The following ST8SIA6 variants were observed in gnomAD, a reference collection of about 807,000 sequenced individuals.
ST8SIA6 encodes the protein alpha-2,8-sialyltransferase 8F.
In ST8SIA6, 39 loss-of-function variants were observed where a neutral mutation model predicts 33.6. That is an observed-to-expected ratio of 1.16 (90% CI 0.90 to 1.52). The LOEUF is 1.52. Among genes scored for constraint, ST8SIA6 ranks in the 40% most tolerant of loss-of-function variants. The pLI is 0.00. For synonymous variants in ST8SIA6, 172 were observed against 167.2 expected, an observed-to-expected ratio of 1.03 and a Z score of -0.22; for missense variants, 441 against 443.8, an observed-to-expected ratio of 0.99 and a Z score of 0.06.
chr10:17,442,836 C>T (rs1054823307), intron 2 of ST8SIA6, among the ~76,000 whole-genome samples: 2 of 152,092 alleles, frequency 1.3e-5, no homozygotes, highest in South Asian at 2.1e-4. Context: ...TATTTTGTCA[C>T]GTAAATCTCA....
intron 3 of ST8SIA6, among the ~76,000 whole-genome samples, chr10:17,368,549 C>CA (rs769970076): frequency 7.5e-4 from 107 of 141,862 alleles, no homozygotes; most frequent in African/African-American, 2.3e-3. Flanking sequence ...AATACAAAAA[C>CA]AAAAAAAAAG....
chr10:17,418,948 G>A (rs1409403119), intron 2 of ST8SIA6, among the ~76,000 whole-genome samples: 4 of 130,532 alleles, frequency 3.1e-5, no homozygotes, highest in South Asian at 2.4e-4. Flanking sequence ...AGCGGAGATC[G>A]TGCCACTGCC....
chr10:17,394,033 GC>G (rs1476693067), intron 2 of ST8SIA6, among the ~76,000 whole-genome samples: 2 of 152,160 alleles, frequency 1.3e-5, no homozygotes, highest in Non-Finnish European at 2.9e-5. Context: ...GAATTACCAA[GC>G]CAGCAATGCT....
At chr10:17,373,413 C>T (rs1160182396) in intron 3 of ST8SIA6, among the ~76,000 whole-genome samples, 1 of 152,132 alleles carries the variant, frequency 6.6e-6, no homozygotes, top group African/African-American at 2.4e-5. Context: ...CCAAAACCTG[C>T]TGAATATGTT....
intron 2 of ST8SIA6, among the ~76,000 whole-genome samples, chr10:17,417,085 G>T (rs1281165384): frequency 1.3e-5 from 2 of 152,146 alleles, no homozygotes; most frequent in Admixed American, 1.3e-4. Flanking sequence ...CTTCTGGTGA[G>T]GGATTCAGGA....
intron 2 of ST8SIA6, among the ~76,000 whole-genome samples, chr10:17,445,213 A>G (rs45486292): frequency 0.039 from 5,981 of 152,320 alleles, 170 homozygotes; most frequent in South Asian, 0.058. Context: ...ACAACAAAAA[A>G]TGTCAAATAA....
At chr10:17,417,554 C>T (rs903543109) in intron 2 of ST8SIA6, among the ~76,000 whole-genome samples, 1 of 151,928 alleles carries the variant, frequency 6.6e-6, no homozygotes, top group African/African-American at 2.4e-5. Flanking sequence ...TACCACTTAG[C>T]ACAGTGAGCT....
chr10:17,373,102 C>G (rs1352976377), intron 3 of ST8SIA6, among the ~76,000 whole-genome samples: 1 of 152,218 alleles, frequency 6.6e-6, no homozygotes, highest in Non-Finnish European at 1.5e-5. Flanking sequence ...CTAACAGGAG[C>G]TATCAGGCAA....
intron 3 of ST8SIA6, among the ~76,000 whole-genome samples, chr10:17,384,125 G>C (rs1322771332): frequency 3.3e-5 from 5 of 152,144 alleles, no homozygotes; most frequent in Non-Finnish European, 5.9e-5. Flanking sequence ...TTGACTTACG[G>C]AGCCAATAAA....
intron 2 of ST8SIA6, among the ~76,000 whole-genome samples, chr10:17,449,117 C>T (rs1209921304): frequency 6.6e-6 from 1 of 151,234 alleles, no homozygotes; most frequent in African/African-American, 2.4e-5. Context: ...AGAAATGAGT[C>T]CAAAGCTGCA....
chr10:17,327,293 A>G (rs1848163242), intron 5 of ST8SIA6, among the ~76,000 whole-genome samples, 167 bp from the exon 6 acceptor site: 1 of 152,242 alleles, frequency 6.6e-6, no homozygotes, highest in African/African-American at 2.4e-5. Context: ...CTTAGCATAA[A>G]GAACCAGCTG....
At chr10:17,397,659 T>C (rs537708467) in intron 2 of ST8SIA6, among the ~76,000 whole-genome samples, 24 of 152,336 alleles carry the variant, frequency 1.6e-4, no homozygotes, top group African/African-American at 4.6e-4. Flanking sequence ...GGCCCCTGCC[T>C]GCATTTGTTA....
At chr10:17,377,974 C>CT (rs1435575606) in intron 3 of ST8SIA6, among the ~76,000 whole-genome samples, 1 of 152,144 alleles carries the variant, frequency 6.6e-6, no homozygotes, top group Non-Finnish European at 1.5e-5. Flanking sequence ...CAAAACAACA[C>CT]TTTTATAACA....
At chr10:17,407,011 T>A (rs1265021049) in intron 2 of ST8SIA6, among the ~76,000 whole-genome samples, 1 of 152,094 alleles carries the variant, frequency 6.6e-6, no homozygotes, top group African/African-American at 2.4e-5. Context: ...CAGGCTGCCT[T>A]GAACTCCTGA....
chr10:17,444,058 C>A (rs1259064983), intron 2 of ST8SIA6, among the ~76,000 whole-genome samples: 1 of 152,222 alleles, frequency 6.6e-6, no homozygotes, highest in Non-Finnish European at 1.5e-5. Flanking sequence ...AGCGTTAGCA[C>A]CTAATAGGCC....
At chr10:17,397,425 G>C (rs1850851807) in intron 2 of ST8SIA6, among the ~76,000 whole-genome samples, 2 of 152,068 alleles carry the variant, frequency 1.3e-5, no homozygotes, top group South Asian at 4.2e-4. Flanking sequence ...AGCAGAGACA[G>C]GATTTTACCA....
intron 2 of ST8SIA6, among the ~76,000 whole-genome samples, chr10:17,417,312 T>C (rs1266986341): frequency 6.6e-6 from 1 of 152,064 alleles, no homozygotes; most frequent in Non-Finnish European, 1.5e-5. Flanking sequence ...AAGCTCACAT[T>C]TCAACATGAG....
chr10:17,406,462 T>C (rs111950786), intron 2 of ST8SIA6, among the ~76,000 whole-genome samples: 4,951 of 152,316 alleles, frequency 0.033, 84 homozygotes, highest in South Asian at 0.056. Flanking sequence ...AGCCAGACTC[T>C]TAAAGCCACT....
chr10:17,385,714 T>C (rs895293617), intron 3 of ST8SIA6, among the ~76,000 whole-genome samples: 10 of 152,250 alleles, frequency 6.6e-5, no homozygotes, highest in Non-Finnish European at 1.3e-4. Context: ...CCTCAGGCCA[T>C]CTGGATGTAT....
Sources: allele counts gnomAD v4.1 joint callset (sites outside exome capture counted in the v4.1 genomes callset), GRCh38; gene constraint gnomAD v4.1.1; transcripts MANE v1.5; gene names NCBI Gene and HGNC (gene_info 2026-07-23, HGNC 2026-07-21).